Variants in GALNTL6 observed in about 807,000 individuals in gnomAD.
The protein encoded by GALNTL6 is polypeptide N-acetylgalactosaminyltransferase like 6, also known as polypeptide N-acetylgalactosaminyltransferase-like 6.
Under a neutral mutation model 73.7 loss-of-function variants are expected in GALNTL6, and 46 were observed. The observed-to-expected ratio is 0.62, with a 90% CI of 0.49 to 0.80. The LOEUF (loss-of-function observed/expected upper bound fraction) is 0.80. Among genes scored for constraint, GALNTL6 ranks in the 30% least tolerant of loss-of-function variants. The pLI is 0.00. For synonymous variants in GALNTL6, 259 were observed against 263.7 expected (o/e 0.98, Z 0.17); for missense variants, 604 against 755.0 (o/e 0.80, Z 2.34).
At chr4:172,559,585 G>A (rs1736277667) in intron 5 of GALNTL6, among the ~76,000 whole-genome samples, 2 of 152,108 alleles carry the variant, frequency 1.3e-5, no homozygotes, top group African/African-American at 4.8e-5. Flanking sequence ...AGGCCACATA[G>A]TTTATTTGTG....
At chr4:172,318,755 C>T (rs1353948231) in intron 4 of GALNTL6, among the ~76,000 whole-genome samples, 1 of 104,764 alleles carries the variant, frequency 9.5e-6, no homozygotes, top group Non-Finnish European at 1.8e-5. Context: ...AAAAGAAAGG[C>T]TGAATGAGGA....
intron 5 of GALNTL6, among the ~76,000 whole-genome samples, chr4:172,572,164 C>A (rs918555244): frequency 6.6e-6 from 1 of 152,184 alleles, no homozygotes; most frequent in Non-Finnish European, 1.5e-5. Context: ...ACAGTCTGTG[C>A]TCTCTGTACA....
At chr4:172,930,025 C>A (rs1169217314) in intron 8 of GALNTL6, among the ~76,000 whole-genome samples, 1 of 151,974 alleles carries the variant, frequency 6.6e-6, no homozygotes. Context: ...GCCTGTAATC[C>A]CAACACTTTA....
At position 172,455,518 on chromosome 4, in the gene GALNTL6, T is replaced by C. The variant is rs115998336; in HGVS notation, c.553+106829T>C. On this transcript the variant is annotated intron_variant, in intron 5 of 12. Coordinates refer to ENST00000506823, the MANE Select transcript of GALNTL6 (RefSeq NM_001034845.3). ...GTGACCTGGGACACTCGAGCTTGGG[T>C]CGGGGAAAGGCGTCCACCATTACTG... 3.4e-3 allele frequency among the ~76,000 whole-genome samples: 523 copies of C among 152,154 alleles called. 5 individuals carry two copies. The highest frequency in any genetic ancestry group is 3.3e-3 in the Admixed American group (50 of 15,288).
chr4:171,971,037 C>T (rs1194932556), intron 2 of GALNTL6, among the ~76,000 whole-genome samples: 1 of 152,136 alleles, frequency 6.6e-6, no homozygotes, highest in African/African-American at 2.4e-5. Flanking sequence ...TTGAAATAAG[C>T]TCCTGCATGG....
chr4:172,154,048 T>C (rs1396181219), intron 2 of GALNTL6, among the ~76,000 whole-genome samples: 1 of 69,894 alleles, frequency 1.4e-5, no homozygotes, highest in Non-Finnish European at 4.2e-5. Context: ...GTTTTTCTTC[T>C]TTTTTTTTTT....
intron 3 of GALNTL6, among the ~76,000 whole-genome samples, chr4:172,288,637 A>G (rs1241873374): frequency 6.6e-6 from 1 of 152,148 alleles, no homozygotes; most frequent in African/African-American, 2.4e-5. Context: ...ATATGTTTTC[A>G]TGTGTGTTTT....
intron 8 of GALNTL6, among the ~76,000 whole-genome samples, chr4:172,913,852 G>A (rs1747351170): frequency 6.6e-6 from 1 of 152,182 alleles, no homozygotes; most frequent in African/African-American, 2.4e-5. Context: ...CCCCAACCTA[G>A]CAAGGCAGGC....
chr4:171,954,824 C>T lies in GALNTL6; in HGVS notation c.138+140106C>T, dbSNP rs189349975. On this transcript the variant is annotated intron_variant, in intron 2 of 12. Coordinates refer to ENST00000506823, the MANE Select transcript of GALNTL6 (RefSeq NM_001034845.3). ...TGACAGTGAGTGAGTTCTCACAAGA[C>T]CTGGTTGTTTAAAAGTGTGCAGCAC... 2.2e-3 allele frequency among the ~76,000 whole-genome samples: 342 copies of T among 152,128 alleles called. 1 individual carries two copies. The highest frequency in any genetic ancestry group is 3.4e-3 in the Middle Eastern group (1 of 294).
intron 5 of GALNTL6, among the ~76,000 whole-genome samples, chr4:172,633,273 G>T (rs914306660): frequency 6.6e-6 from 1 of 152,158 alleles, no homozygotes; most frequent in African/African-American, 2.4e-5. Flanking sequence ...CAGCTGAGAG[G>T]GGGGCTATAC....
chr4:171,872,922 A>G (rs1736178127), intron 2 of GALNTL6, among the ~76,000 whole-genome samples: 1 of 152,196 alleles, frequency 6.6e-6, no homozygotes, highest in South Asian at 2.1e-4. Flanking sequence ...GATGATTGAC[A>G]TGGAGCTTAC....
At chr4:172,913,655 A>G (rs1265810956) in intron 8 of GALNTL6, among the ~76,000 whole-genome samples, 1 of 152,208 alleles carries the variant, frequency 6.6e-6, no homozygotes, top group Admixed American at 6.5e-5. Context: ...ACTGAAGATC[A>G]AATGAATGAA....
intron 4 of GALNTL6, among the ~76,000 whole-genome samples, chr4:172,325,839 A>G (rs1371691604): frequency 6.6e-6 from 1 of 151,822 alleles, no homozygotes; most frequent in Non-Finnish European, 1.5e-5. Context: ...GAAAGCAGAA[A>G]AGGGGAACTA....
At chr4:172,003,076 A>G (rs1448274839) in intron 2 of GALNTL6, among the ~76,000 whole-genome samples, 1 of 152,072 alleles carries the variant, frequency 6.6e-6, no homozygotes, top group Non-Finnish European at 1.5e-5. Flanking sequence ...TATATTGTCA[A>G]AGATCTCCTT....
At position 172,767,111 on chromosome 4, in the gene GALNTL6, A is replaced by C. The variant is rs2110848596; in HGVS notation, c.554-42250A>C. On this transcript the variant is annotated intron_variant, in intron 5 of 12. Transcript: ENST00000506823. ...TAAGAGCTAAAGAATATTGCATGAG[A>C]ATGGGAGCCAGTGAAACCTGTCCAC... is the stretch of plus-strand genomic sequence containing the variant. Among the ~76,000 whole-genome samples, 4 of 152,316 alleles carry C rather than the reference A, an allele frequency of 2.6e-5. No homozygotes were observed. In the Middle Eastern group the frequency reaches 0.014, roughly 518 times the overall value.
chr4:172,479,753 T>C (rs368382332), intron 5 of GALNTL6, among the ~76,000 whole-genome samples: 2 of 152,360 alleles, frequency 1.3e-5, no homozygotes, highest in South Asian at 2.1e-4. Context: ...TGTTTGTCGA[T>C]GACCCACTTT....
intron 5 of GALNTL6, among the ~76,000 whole-genome samples, chr4:172,673,000 G>T (rs1161415198): frequency 2.0e-5 from 3 of 151,940 alleles, no homozygotes; most frequent in Non-Finnish European, 4.4e-5. Context: ...CTTTTGAATG[G>T]TTTTTTGTGC....
At chr4:172,546,808 GTA>G (rs1248824760) in intron 5 of GALNTL6, among the ~76,000 whole-genome samples, 2 of 51,918 alleles carry the variant, frequency 3.9e-5, no homozygotes, top group East Asian at 4.4e-4. Flanking sequence ...GTATATATAC[GTA>G]TATATATACG....
At chr4:172,220,039 C>G (rs1736621162) in intron 2 of GALNTL6, among the ~76,000 whole-genome samples, 1 of 151,870 alleles carries the variant, frequency 6.6e-6, no homozygotes, top group Admixed American at 6.6e-5. Flanking sequence ...CCTTCTAAGT[C>G]TTAGAAATCT....
Sources: gnomAD v4.1 joint callset for allele counts (sites outside exome capture counted in the v4.1 genomes callset) on GRCh38, gnomAD v4.1.1 for gene constraint, MANE v1.5 for transcripts, NCBI Gene and HGNC (gene_info 2026-07-23, HGNC 2026-07-21) for gene names.